Variants in WWC1 observed in about 807,000 individuals in gnomAD.
WWC1 encodes WW and C2 domain containing 1, also known as protein KIBRA.
In WWC1, 55 loss-of-function variants were observed where a neutral mutation model predicts 138.4. The ratio of observed to expected loss-of-function variants is 0.40; its 90% confidence interval spans 0.32 to 0.50. The LOEUF is 0.50. WWC1 is among the 20% of genes least tolerant of loss of function. The pLI is 0.72. For missense variants in WWC1, 1,226 were observed against 1,420.4 expected, an observed-to-expected ratio of 0.86 and a Z score of 2.20; for synonymous variants, 524 against 564.9, an observed-to-expected ratio of 0.93 and a Z score of 1.03.
Position 168,471,925 on chromosome 5 carries a change from A to G in WWC1, c.*2908A>G, listed in dbSNP as rs1169258668. 2 of 152,266 alleles carry G rather than the reference A, an allele frequency of 1.3e-5. No individual in the cohort carries two copies. The highest frequency in any genetic ancestry group is 2.1e-4 in the South Asian group (1 of 4,824). The allele number at this position is 152,266 out of a possible 1,614,324, so 9.4% of individuals were successfully genotyped here. On this transcript the variant is annotated 3_prime_UTR_variant, in exon 23 of 23. Coordinates refer to ENST00000265293, the MANE Select transcript of WWC1 (RefSeq NM_015238.3). Reference sequence around the variant, plus strand: ...TGTATCTGCAGTCCATTTGGACTCAATAAAAACTTTGAAAGTCACATGTGT... The same window carrying G: ...TGTATCTGCAGTCCATTTGGACTCAGTAAAAACTTTGAAAGTCACATGTGT...
chr5:168,451,830 T>C (rs1191519266), intron 17 of WWC1, among the ~76,000 whole-genome samples: 1 of 151,406 alleles, frequency 6.6e-6, no homozygotes, highest in Non-Finnish European at 1.5e-5. Flanking sequence ...AGTGAGGAAC[T>C]AGAACTCTTA....
Position 168,472,024 on chromosome 5 carries a change from G to A in WWC1, c.*3007G>A, listed in dbSNP as rs1037869314. On this transcript the variant is annotated 3_prime_UTR_variant, in exon 23 of 23. Transcript: ENST00000265293. ...GCAAGGGTCAGCCCCTCATACCCCTGCAGCATCCGCTGCTATGAAGCAGAG... is the reference window on the plus strand; with the variant it reads ...GCAAGGGTCAGCCCCTCATACCCCTACAGCATCCGCTGCTATGAAGCAGAG... 1.3e-5 allele frequency: 2 copies of A among 152,254 alleles called. No homozygotes were observed. The highest frequency in any genetic ancestry group is 2.4e-5 in the African/African-American group (1 of 41,454). The allele number at this position is 152,254 out of a possible 1,614,324, so 9.4% of individuals were successfully genotyped here.
chr5:168,326,094 T>C (rs956201348), intron 1 of WWC1, among the ~76,000 whole-genome samples: 13 of 152,242 alleles, frequency 8.5e-5, no homozygotes, highest in African/African-American at 2.9e-4. Context: ...CTTTTGGCTA[T>C]TTGTGAATAA....
intron 1 of WWC1, among the ~76,000 whole-genome samples, chr5:168,332,259 A>G (rs1773092564): frequency 1.3e-5 from 2 of 152,248 alleles, no homozygotes; most frequent in South Asian, 2.1e-4. Context: ...AAGGGGCTCA[A>G]TCTTATACCA....
chr5:168,292,033 C>T lies in WWC1; in HGVS notation c.-120C>T. On this transcript the variant is annotated 5_prime_UTR_variant, in exon 1 of 23. Transcript: ENST00000265293. This position sits in a 1 kb window ranked among gnomAD's most constrained non-coding sequence, Gnocchi z 4.4. ...CCTACTAGGGCCCCCCATCTGCGGG[C>T]GCCACCCCCCGGATCATGGTGCCTC... The T allele has an allele frequency of 8.1e-7, 1 of 1,238,504 alleles. No individual in the cohort carries two copies. Among genetic ancestry groups the T allele is most frequent in the Non-Finnish European group, 1.0e-6 (1 of 955,678 alleles). The allele number at this position is 1,238,504 out of a possible 1,614,324, so 76.7% of individuals were successfully genotyped here.
chr5:168,296,148 G>T (rs1042586542), intron 1 of WWC1, among the ~76,000 whole-genome samples: 6 of 152,196 alleles, frequency 3.9e-5, no homozygotes, highest in Non-Finnish European at 7.3e-5. Context: ...GATTGTTCTC[G>T]GAGGAAGAAT....
chr5:168,446,232 TAAAAA>T (rs60746695), intron 17 of WWC1, among the ~76,000 whole-genome samples: 6 of 58,750 alleles, frequency 1.0e-4, no homozygotes, highest in African/African-American at 4.5e-4. Context: ...CTCCCATTAT[TAAAAA>T]AAAAAAAAAA....
intron 1 of WWC1, among the ~76,000 whole-genome samples, chr5:168,358,753 T>G (rs905485131): frequency 2.0e-5 from 3 of 152,128 alleles, no homozygotes; most frequent in African/African-American, 7.2e-5. Flanking sequence ...AAATGGTATG[T>G]GTTTAAACAA....
chr5:168,341,926 A>G (rs1289101861), intron 1 of WWC1, among the ~76,000 whole-genome samples: 5 of 152,068 alleles, frequency 3.3e-5, no homozygotes, highest in Admixed American at 2.0e-4. Flanking sequence ...GCTAATTGTA[A>G]TCACTCCACA....
At chr5:168,359,063 T>A (rs1775684329) in intron 1 of WWC1, among the ~76,000 whole-genome samples, 1 of 123,614 alleles carries the variant, frequency 8.1e-6, no homozygotes, top group African/African-American at 2.7e-5. Flanking sequence ...TGTGTGTGTG[T>A]GTGTGTGTTC....
chr5:168,305,928 C>A (rs1770520207), intron 1 of WWC1, among the ~76,000 whole-genome samples: 1 of 152,196 alleles, frequency 6.6e-6, no homozygotes, highest in South Asian at 2.1e-4. Flanking sequence ...AAATATCTGC[C>A]TTCCTTACAA....
intron 1 of WWC1, among the ~76,000 whole-genome samples, chr5:168,354,341 G>A (rs189083601): frequency 4.6e-5 from 7 of 152,090 alleles, no homozygotes; most frequent in Admixed American, 2.6e-4. Flanking sequence ...GTGAGCCACC[G>A]CACCCGGCCT....
At chr5:168,298,963 T>TA (rs1265555891) in intron 1 of WWC1, among the ~76,000 whole-genome samples, 1 of 152,104 alleles carries the variant, frequency 6.6e-6, no homozygotes, top group African/African-American at 2.4e-5. Context: ...CACGCACCTG[T>TA]AATCCCAGCT....
At chr5:168,317,943 A>G (rs1175538181) in intron 1 of WWC1, among the ~76,000 whole-genome samples, 5 of 152,218 alleles carry the variant, frequency 3.3e-5, no homozygotes, top group African/African-American at 1.2e-4. Context: ...ACGTTCACAG[A>G]TAGGAATGCA....
intron 1 of WWC1, among the ~76,000 whole-genome samples, chr5:168,341,994 G>A (rs1253581159): frequency 6.6e-6 from 1 of 152,194 alleles, no homozygotes; most frequent in East Asian, 1.9e-4. Flanking sequence ...CCAGAGTGAA[G>A]CCTGCAGCCT....
chr5:168,419,707 C>T (rs563230886), intron 9 of WWC1, among the ~76,000 whole-genome samples: 1 of 152,264 alleles, frequency 6.6e-6, no homozygotes, highest in African/African-American at 2.4e-5. Flanking sequence ...CAGCCCAGGT[C>T]ACGAGTTTGT....
Position 168,467,185 on chromosome 5 carries a change from G to A in WWC1, c.3151-655G>A, listed in dbSNP as rs530636635. Among the ~76,000 whole-genome samples, 10 of 152,342 alleles carry A rather than the reference G, an allele frequency of 6.6e-5. No individual in the cohort carries two copies. In the South Asian group the frequency reaches 1.4e-3, roughly 22 times the overall value. On this transcript the variant is annotated intron_variant, in intron 21 of 22. Coordinates refer to ENST00000265293, the MANE Select transcript of WWC1 (RefSeq NM_015238.3). ...AGGCAGGAGAATGGCGTGAACCCAGGAGGCGGAGCTTGCAGTGAGCCGAGA... is the reference window on the plus strand; with the variant it reads ...AGGCAGGAGAATGGCGTGAACCCAGAAGGCGGAGCTTGCAGTGAGCCGAGA...
intron 2 of WWC1, among the ~76,000 whole-genome samples, chr5:168,372,121 C>T (rs1020822807): frequency 6.7e-6 from 1 of 148,804 alleles, no homozygotes; most frequent in Non-Finnish European, 1.5e-5. Context: ...GTCAGCCCAC[C>T]CTCACTTCAT....
chr5:168,385,349 T>A lies in WWC1; in HGVS notation c.368T>A (p.Leu123His). 6.2e-7 allele frequency: 1 copy of A among 1,614,088 alleles called. No individual in the cohort carries two copies. Among genetic ancestry groups the A allele is most frequent in the Non-Finnish European group, 8.5e-7 (1 of 1,180,028 alleles). Reference sequence around the variant, plus strand: ...CAGGTGAAGCAGCAGCGCCTGGAGCTTGCACAGCAGGAGTACCAGCAACTG... The same window carrying A: ...CAGGTGAAGCAGCAGCGCCTGGAGCATGCACAGCAGGAGTACCAGCAACTG... ...IYQVKQQRLELAQQEYQQLHA... is the reference protein window; with the variant it reads ...IYQVKQQRLEHAQQEYQQLHA... The change falls in exon 3 of 23, where the codon CTT (leucine) becomes CAT (histidine). Residue 123 changes from leucine to histidine, a missense_variant. Coordinates refer to ENST00000265293, the MANE Select transcript of WWC1 (RefSeq NM_015238.3).
Sources: allele counts gnomAD v4.1 joint callset (sites outside exome capture counted in the v4.1 genomes callset), GRCh38; gene constraint gnomAD v4.1.1; non-coding constraint Gnocchi (gnomAD v3.1); transcripts MANE v1.5; gene names NCBI Gene and HGNC (gene_info 2026-07-23, HGNC 2026-07-21).